Variants in ABHD2 observed in about 807,000 individuals in gnomAD.
ABHD2 encodes the protein abhydrolase domain containing 2, acylglycerol lipase.
A neutral mutation model predicts 48.1 loss-of-function variants in ABHD2; 20 were observed. The ratio of observed to expected loss-of-function variants is 0.42; its 90% CI spans 0.29 to 0.60. The LOEUF is 0.60. ABHD2 is among the 20% of genes least tolerant of loss of function. The pLI is 0.24. For synonymous variants in ABHD2, 209 were observed against 214.2 expected, an observed-to-expected ratio of 0.98 and a Z score of 0.21; for missense variants, 405 against 550.9, an observed-to-expected ratio of 0.74 and a Z score of 2.65.
intron 3 of ABHD2, among the ~76,000 whole-genome samples, chr15:89,128,697 G>C (rs2050173425): frequency 6.6e-6 from 1 of 152,126 alleles, no homozygotes; most frequent in South Asian, 2.1e-4. Context: ...GGTCTCTATA[G>C]TTGCTTCGTG....
intron 3 of ABHD2, among the ~76,000 whole-genome samples, chr15:89,138,941 C>G (rs971437098): frequency 6.6e-6 from 1 of 151,628 alleles, no homozygotes; most frequent in Non-Finnish European, 1.5e-5. Context: ...GAAGGCCGGG[C>G]AGGATGGCTC....
the ABHD2 span, among the ~76,000 whole-genome samples, chr15:89,051,165 G>A: frequency 4.6e-5 from 7 of 152,114 alleles, no homozygotes; most frequent in African/African-American, 1.2e-4. Flanking sequence ...CCCAGGAGGC[G>A]GAGGTTGCAG....
At chr15:89,071,981 A>G in the ABHD2 span, among the ~76,000 whole-genome samples, 1 of 152,276 alleles carries the variant, frequency 6.6e-6, no homozygotes, top group South Asian at 2.1e-4. Context: ...TTTTAACACT[A>G]AAGTGTTGTG....
the ABHD2 span, among the ~76,000 whole-genome samples, chr15:89,076,971 C>A: frequency 6.6e-6 from 1 of 152,160 alleles, no homozygotes; most frequent in Admixed American, 6.5e-5. Context: ...AAATCAGATG[C>A]CCTGGTTCTA....
At chr15:89,108,330 G>A (rs983950142) in intron 1 of ABHD2, among the ~76,000 whole-genome samples, 1 of 152,118 alleles carries the variant, frequency 6.6e-6, no homozygotes, top group African/African-American at 2.4e-5. Flanking sequence ...CTGTAGATAC[G>A]TGGCTCCAGT....
chr15:89,177,688 C>T lies in ABHD2; in HGVS notation c.722+1693C>T, dbSNP rs1279850948. Among the ~76,000 whole-genome samples, 1 of 152,030 alleles carries T rather than the reference C, an allele frequency of 6.6e-6. No homozygotes were observed. Among genetic ancestry groups the T allele is most frequent in the African/African-American group, 2.4e-5 (1 of 41,376 alleles). On this transcript the variant is annotated intron_variant, in intron 6 of 10. Coordinates refer to ENST00000352732, the MANE Select transcript of ABHD2 (RefSeq NM_152924.5). This position sits in a 1 kb window ranked among gnomAD's most constrained non-coding sequence, Gnocchi z 5.6. ...GACACTGGGGAGTCAGCTGAGAGGA[C>T]ATGTGCCTTTATCTTGGTGGGACTA...
At chr15:89,154,055 T>C (rs1187693012) in intron 4 of ABHD2, among the ~76,000 whole-genome samples, 2 of 152,190 alleles carry the variant, frequency 1.3e-5, no homozygotes, top group South Asian at 2.1e-4. Flanking sequence ...ATTTCAAGAA[T>C]TGGAATTTAC....
chr15:89,191,094 A>C lies in ABHD2; in HGVS notation c.941A>C (p.Tyr314Ser), dbSNP rs773412377. 1 of 1,613,910 alleles carries C rather than the reference A, an allele frequency of 6.2e-7. No individual in the cohort carries two copies. Among genetic ancestry groups the C allele is most frequent in the Admixed American group, 1.7e-5 (1 of 60,010 alleles). ...DDNVMRKFHG[Y>S]NSLKEYYEEE... ...GTGTGTTGCAGGAAGTTTCACGGCTATAACTCCCTGAAGGAATACTATGAG... is the reference window on the plus strand; with the variant it reads ...GTGTGTTGCAGGAAGTTTCACGGCTCTAACTCCCTGAAGGAATACTATGAG... Residue 314 changes from tyrosine (Y) to serine (S), a missense_variant, in exon 9 of 11, where the codon TAT becomes TCT. By Grantham distance (144) the Tyr-to-Ser change is moderately radical. Coordinates refer to ENST00000352732, the MANE Select transcript of ABHD2 (RefSeq NM_152924.5).
chr15:89,083,503 T>G (rs1184804138), upstream of ABHD2, among the ~76,000 whole-genome samples: 1 of 152,216 alleles, frequency 6.6e-6, no homozygotes, highest in Non-Finnish European at 1.5e-5. This position sits in a 1 kb window ranked among gnomAD's most constrained non-coding sequence, Gnocchi z 5.1. Flanking sequence ...TGCGTGTATG[T>G]GTGTTTGTGT....
In ABHD2 at chr15:89,155,411, G is replaced by A. The variant is rs761341751; in HGVS notation, c.415G>A (p.Glu139Lys). 5 of 1,614,028 alleles carry A rather than the reference G, an allele frequency of 3.1e-6. No homozygotes were observed. Among genetic ancestry groups the A allele is most frequent in the Non-Finnish European group, 4.2e-6 (5 of 1,180,030 alleles). Residue 139 changes from glutamate to lysine, a missense_variant, in exon 5 of 11, where the codon GAG becomes AAG. By Grantham distance (56) the Glu-to-Lys change is moderately conservative (BLOSUM62 1). Transcript: ENST00000352732. The surrounding 1 kb of genome is among the most constrained non-coding windows in gnomAD (Gnocchi z 4.9). ...VICPGIANHSEKQYIRTFVDY... is the reference protein window; with the variant it reads ...VICPGIANHSKKQYIRTFVDY... ...CTGCCCTGGAATTGCCAATCACAGCGAGAAGCAATACATCCGCACTTTCGT... is the reference window on the plus strand; with the variant it reads ...CTGCCCTGGAATTGCCAATCACAGCAAGAAGCAATACATCCGCACTTTCGT...
Position 89,142,792 on chromosome 15 carries a change from T to C in ABHD2, c.195-8885T>C, listed in dbSNP as rs1208080324. Among the ~76,000 whole-genome samples, 4 of 152,200 alleles carry C rather than the reference T, an allele frequency of 2.6e-5. No homozygotes were observed. The South Asian group carries it at 6.2e-4, about 24-fold the overall frequency. On this transcript the variant is annotated intron_variant, in intron 3 of 10. Coordinates refer to ENST00000352732, the MANE Select transcript of ABHD2 (RefSeq NM_152924.5). Reference sequence around the variant, plus strand: ...ACATTTATTGGTCTCAAGTCTCTTGTCTTGGGTTGGGCTGGGAAGGAGGAA... The same window carrying C: ...ACATTTATTGGTCTCAAGTCTCTTGCCTTGGGTTGGGCTGGGAAGGAGGAA...
chr15:89,150,607 G>A (rs2050575440), intron 3 of ABHD2, among the ~76,000 whole-genome samples: 1 of 152,196 alleles, frequency 6.6e-6, no homozygotes, highest in African/African-American at 2.4e-5. Flanking sequence ...TTAACTTTGT[G>A]TAGATTTGAT....
intron 3 of ABHD2, chr15:89,135,497 G>A (rs1391881618): frequency 2.1e-6 from 2 of 952,698 alleles, no homozygotes; most frequent in Non-Finnish European, 3.3e-6. Context: ...GTTATGTACA[G>A]GTTAAATGCT....
In ABHD2 at chr15:89,097,141, A is replaced by G. The variant is rs2049625327; in HGVS notation, c.-107+8578A>G. On this transcript the variant is annotated intron_variant, in intron 1 of 10. Coordinates refer to ENST00000352732, the MANE Select transcript of ABHD2 (RefSeq NM_152924.5). The surrounding 1 kb of genome is among the most constrained non-coding windows in gnomAD (Gnocchi z 4.2). ...TATTCTGGGAATTTTAAAGATATACAGAAGTAGAGAGAATCATATAATGAA... is the reference window on the plus strand; with the variant it reads ...TATTCTGGGAATTTTAAAGATATACGGAAGTAGAGAGAATCATATAATGAA... Among the ~76,000 whole-genome samples the G allele has an allele frequency of 6.6e-6, 1 of 152,210 alleles. No homozygotes were observed. Among genetic ancestry groups the G allele is most frequent in the African/African-American group, 2.4e-5 (1 of 41,442 alleles).
chr15:89,047,346 T>G, the ABHD2 span, among the ~76,000 whole-genome samples: 11 of 151,610 alleles, frequency 7.3e-5, no homozygotes, highest in Admixed American at 6.6e-4. Context: ...ATAGGTGTGG[T>G]GTGGTGCTGA....
chr15:89,110,120 G>C (rs2049849959), intron 1 of ABHD2, among the ~76,000 whole-genome samples: 1 of 151,296 alleles, frequency 6.6e-6, no homozygotes, highest in African/African-American at 2.4e-5. Context: ...CTCTCACTCT[G>C]TTGCCCAGGC....
At chr15:89,111,890 T>C (rs546405194) in intron 1 of ABHD2, among the ~76,000 whole-genome samples, 1 of 152,322 alleles carries the variant, frequency 6.6e-6, no homozygotes, top group East Asian at 1.9e-4. Flanking sequence ...CTTGTTATCC[T>C]ATCAGCATTG....
In ABHD2 at chr15:89,097,559, C is replaced by G. The variant is rs1344428363; in HGVS notation, c.-107+8996C>G. On this transcript the variant is annotated intron_variant, in intron 1 of 10. Transcript: ENST00000352732. This position sits in a 1 kb window ranked among gnomAD's most constrained non-coding sequence, Gnocchi z 4.2. ...TCTTTTAAGCTATAGGTCCCCTTTT[C>G]TTTTCTTTTTTCTTCTTTTCCCTGT... is the stretch of plus-strand genomic sequence containing the variant. Among the ~76,000 whole-genome samples, 1 of 152,098 alleles carries G rather than the reference C, an allele frequency of 6.6e-6. No homozygotes were observed. Among genetic ancestry groups the G allele is most frequent in the African/African-American group, 2.4e-5 (1 of 41,426 alleles).
Position 89,116,270 on chromosome 15 carries a change from CCA to C in ABHD2, c.-6-50_-6-49del, listed in dbSNP as rs1192941148. On this transcript the variant is annotated intron_variant, in intron 2 of 10. Transcript: ENST00000352732. This position sits in a 1 kb window ranked among gnomAD's most constrained non-coding sequence, Gnocchi z 4.6. ...CCATGCGTCTGTAGGGTGGTGGGCA[CCA>C]CCCGTCCTCACTGTGCTTGTAAACT... The C allele has an allele frequency of 6.5e-7, 1 of 1,547,838 alleles. No homozygotes were observed. The highest frequency in any genetic ancestry group is 8.8e-7 in the Non-Finnish European group (1 of 1,137,046).
Sources: allele counts gnomAD v4.1 joint callset (sites outside exome capture counted in the v4.1 genomes callset), GRCh38; gene constraint gnomAD v4.1.1; non-coding constraint Gnocchi (gnomAD v3.1); transcripts MANE v1.5; gene names NCBI Gene and HGNC (gene_info 2026-07-23, HGNC 2026-07-21).